The following TBC1D16 variants were observed in gnomAD, a reference collection of about 807,000 sequenced individuals.
The protein encoded by TBC1D16 is CTD-2529O21.1.
TBC1D16 carries 58 observed loss-of-function variants against 74.7 expected under a neutral mutation model. The observed-to-expected ratio is 0.78, with a 90% CI of 0.63 to 0.97. The LOEUF (loss-of-function observed/expected upper bound fraction) is 0.97, where lower values mean the gene tolerates loss of function less well. Among genes scored for constraint, TBC1D16 ranks in the 50% least tolerant of loss-of-function variants. The probability of loss-of-function intolerance (pLI) is 0.00; values close to 1 mark genes in which losing one functional copy is unlikely to be tolerated. For synonymous variants in TBC1D16, 493 were observed against 474.7 expected, an observed-to-expected ratio of 1.04 and a Z score of -0.50; for missense variants, 1,014 against 1,079.5, an observed-to-expected ratio of 0.94 and a Z score of 0.85.
At chr17:79,953,632 T>C (rs2033188160) in intron 3 of TBC1D16, among the ~76,000 whole-genome samples, 1 of 152,238 alleles carries the variant, frequency 6.6e-6, no homozygotes, top group Admixed American at 6.5e-5. Context: ...CTGTCTGCAG[T>C]TCAGCAGTAC....
At chr17:80,030,235 G>A (rs1256147898) in intron 1 of TBC1D16, among the ~76,000 whole-genome samples, 2 of 152,152 alleles carry the variant, frequency 1.3e-5, no homozygotes, top group African/African-American at 2.4e-5. Flanking sequence ...ACTGTAAGGA[G>A]CTGATTTCCA....
At chr17:80,005,461 C>A (rs777922167) in intron 3 of TBC1D16, among the ~76,000 whole-genome samples, 11 of 152,208 alleles carry the variant, frequency 7.2e-5, no homozygotes, top group Non-Finnish European at 1.6e-4. Context: ...GATGACCAGT[C>A]GCGCTTGGTG....
rs2031902099 is a variant in TBC1D16, at chr17:79,940,820, G to A, written c.*39C>T. On this transcript the variant is annotated 3_prime_UTR_variant, in exon 12 of 12. Coordinates refer to ENST00000310924, the MANE Select transcript of TBC1D16 (RefSeq NM_019020.4). The surrounding 1 kb of genome is among the most constrained non-coding windows in gnomAD (Gnocchi z 5.4). ...CCCTCCCGTGCCCAGGGCCTCTGAG[G>A]AGGTCCCCTCAACCCCTGTCCGGTG... 2 of 1,489,996 alleles carry A rather than the reference G, an allele frequency of 1.3e-6. No homozygotes were observed. Among genetic ancestry groups the A allele is most frequent in the Non-Finnish European group, 9.0e-7 (1 of 1,113,556 alleles). The allele number at this position is 1,489,996 out of a possible 1,614,324, so 92.3% of individuals were successfully genotyped here.
intron 3 of TBC1D16, among the ~76,000 whole-genome samples, chr17:79,963,070 C>A (rs1002144861): frequency 2.7e-5 from 4 of 149,958 alleles, no homozygotes; most frequent in African/African-American, 9.8e-5. Flanking sequence ...AAAAAATTAG[C>A]CAGGTGTGGT....
Position 79,949,785 on chromosome 17 carries a change from G to A in TBC1D16, c.1338C>T (p.Ser446=). 2 of 1,613,700 alleles carry A rather than the reference G, an allele frequency of 1.2e-6. No individual in the cohort carries two copies. Among genetic ancestry groups the A allele is most frequent in the Non-Finnish European group, 1.7e-6 (2 of 1,179,958 alleles). ...GCAGCGCCTCCCGCTCCTCCGACGTGGACTCGTGGCTGTAATAGCGCAGCA... is the reference window on the plus strand; with the variant it reads ...GCAGCGCCTCCCGCTCCTCCGACGTAGACTCGTGGCTGTAATAGCGCAGCA... The part of the protein sequence containing the change: ...PFLLRYYSHE[S]TSEEREALRL... The change falls in exon 7 of 12, where the codon TCC becomes TCT. Residue 446 remains serine, a synonymous_variant. Transcript: ENST00000310924.
rs2035711738 is a variant in TBC1D16 at position 80,007,280 on chromosome 17, G to A, written c.779+2880C>T. Among the ~76,000 whole-genome samples, 1 of 152,142 alleles carries A rather than the reference G, an allele frequency of 6.6e-6. No homozygotes were observed. The highest frequency in any genetic ancestry group is 2.4e-5 in the African/African-American group (1 of 41,428). ...CAGCACGGTCTCCGGGTGGGGACGA[G>A]TCCCAGGCCAGGCTCGCTGACCCCA... On this transcript the variant is annotated intron_variant, in intron 3 of 11. Transcript: ENST00000310924. The surrounding 1 kb of genome is among the most constrained non-coding windows in gnomAD (Gnocchi z 4.5).
chr17:80,020,627 C>A (rs2036252555), intron 1 of TBC1D16, among the ~76,000 whole-genome samples: 1 of 149,638 alleles, frequency 6.7e-6, no homozygotes, highest in Admixed American at 6.6e-5. Context: ...AAATGCCAAC[C>A]CTCCATCTTC....
In TBC1D16 at chr17:79,936,751, C is replaced by T. The variant is rs2031615710; in HGVS notation, c.*4108G>A. ...ACCCAGGAACGGCCGTGCAGCCTGG[C>T]TTAGAAACAAGGGACGAAGTGGATC... On this transcript the variant is annotated 3_prime_UTR_variant, in exon 12 of 12. Transcript: ENST00000310924. 1 of 152,206 alleles carries T rather than the reference C, an allele frequency of 6.6e-6. No individual in the cohort carries two copies. Among genetic ancestry groups the T allele is most frequent in the Admixed American group, 6.5e-5 (1 of 15,276 alleles). 9.4% of individuals were successfully genotyped at this position (152,206 alleles called of 1,614,324 possible).
In TBC1D16 at chr17:79,943,778, G is replaced by A. The variant is rs1254762934; in HGVS notation, c.1908+1130C>T. ...ACACAGTAGGTGTCCATGGGAAAGG[G>A]ACCCATCTGCCGGGCCACGCGCTGA... On this transcript the variant is annotated intron_variant, in intron 10 of 11. Coordinates refer to ENST00000310924, the MANE Select transcript of TBC1D16 (RefSeq NM_019020.4). 5.7e-6 allele frequency: 7 copies of A among 1,221,626 alleles called. No individual in the cohort carries two copies. The African/African-American group carries it at 9.3e-5, about 16-fold the overall frequency. The allele number at this position is 1,221,626 out of a possible 1,614,324, so 75.7% of individuals were successfully genotyped here. A position where few individuals can be genotyped will look rare whatever the true frequency, so the allele number is the denominator to read the frequency against.
rs1254832269 is a variant in TBC1D16 at position 80,010,344 on chromosome 17, C to T, written c.595G>A (p.Gly199Arg). The T allele has an allele frequency of 6.2e-7, 1 of 1,611,980 alleles. No homozygotes were observed. The highest frequency in any genetic ancestry group is 8.5e-7 in the Non-Finnish European group (1 of 1,179,222). The change falls in exon 3 of 12, where the codon GGG becomes AGG. Residue 199 changes from glycine to arginine, a missense_variant. Physicochemically the swap from Gly to Arg is moderately radical, Grantham distance 125. Coordinates refer to ENST00000310924, the MANE Select transcript of TBC1D16 (RefSeq NM_019020.4). This position sits in a 1 kb window ranked among gnomAD's most constrained non-coding sequence, Gnocchi z 8.8. ...CCGGCCTCGGGCCGCGGCTCCCGCC[C>T]CTCCTCGGTGACATCCTGCGGACTG... Reference protein sequence around the residue: ...TVSPQDVTEEGREPRPEAGEE... With the variant: ...TVSPQDVTEERREPRPEAGEE...
At chr17:79,991,632 G>C (rs1274834844) in intron 3 of TBC1D16, among the ~76,000 whole-genome samples, 1 of 151,436 alleles carries the variant, frequency 6.6e-6, no homozygotes, top group Non-Finnish European at 1.5e-5. Context: ...GAAGGAGGCA[G>C]GGAGGCAAGA....
chr17:79,940,738 A>C lies in TBC1D16; in HGVS notation c.*121T>G, dbSNP rs2031895738. The C allele has an allele frequency of 2.4e-6, 3 of 1,232,274 alleles. No individual in the cohort carries two copies. Among genetic ancestry groups the C allele is most frequent in the Non-Finnish European group, 2.1e-6 (2 of 935,266 alleles). 76.3% of individuals were successfully genotyped at this position (1,232,274 alleles called of 1,614,324 possible). ...TGAAAAGGTTCCTCTCATGTTGCCCAAAAGCATTTTCCTTAGGTTTCTACC... is the reference window on the plus strand; with the variant it reads ...TGAAAAGGTTCCTCTCATGTTGCCCCAAAGCATTTTCCTTAGGTTTCTACC... On this transcript the variant is annotated 3_prime_UTR_variant, in exon 12 of 12. Transcript: ENST00000310924. The surrounding 1 kb of genome is among the most constrained non-coding windows in gnomAD (Gnocchi z 5.4).
rs2035869402 is a variant in TBC1D16, at chr17:80,010,986, G to C, written c.182-229C>G. Among the ~76,000 whole-genome samples the C allele has an allele frequency of 6.6e-6, 1 of 152,150 alleles. No individual in the cohort carries two copies. Among genetic ancestry groups the C allele is most frequent in the Non-Finnish European group, 1.5e-5 (1 of 68,032 alleles). On this transcript the variant is annotated intron_variant, in intron 2 of 11. Coordinates refer to ENST00000310924, the MANE Select transcript of TBC1D16 (RefSeq NM_019020.4). The surrounding 1 kb of genome is among the most constrained non-coding windows in gnomAD (Gnocchi z 8.8). ...GAACACACACTTCCGGCAGATCCAG[G>C]GGGCACTGGTCCCCAAGCACCGGCC... is the stretch of plus-strand genomic sequence containing the variant.
chr17:79,948,938 A>G lies in TBC1D16; in HGVS notation c.1475T>C (p.Val492Ala). 1 of 1,614,134 alleles carries G rather than the reference A, an allele frequency of 6.2e-7. No homozygotes were observed. The highest frequency in any genetic ancestry group is 8.5e-7 in the Non-Finnish European group (1 of 1,180,006). ...RNVQFTVDKD[V>A]VRTDRNNQFF... is the part of the protein sequence containing the mutation. ...CTGGTTGTTCCGATCTGTCCGGACC[A>G]CGTCTTTGTCCACAGTGAACTGCAC... Residue 492 changes from valine (V) to alanine (A), a missense_variant, in exon 8 of 12, where the codon GTG becomes GCG. Val to Ala is a moderately conservative substitution (Grantham distance 64). Coordinates refer to ENST00000310924, the MANE Select transcript of TBC1D16 (RefSeq NM_019020.4).
In TBC1D16 at chr17:79,987,931, G is replaced by T. The variant is rs1411385383; in HGVS notation, c.779+22229C>A. ...TCAGAAAAACCCTCCGAGGCTCTCGGATTTTACGCCTGCATGAGATTTCGA... is the reference window on the plus strand; with the variant it reads ...TCAGAAAAACCCTCCGAGGCTCTCGTATTTTACGCCTGCATGAGATTTCGA... On this transcript the variant is annotated intron_variant, in intron 3 of 11. Coordinates refer to ENST00000310924, the MANE Select transcript of TBC1D16 (RefSeq NM_019020.4). The surrounding 1 kb of genome is among the most constrained non-coding windows in gnomAD (Gnocchi z 5.2). 6.6e-6 allele frequency among the ~76,000 whole-genome samples: 1 copy of T among 152,078 alleles called. No individual in the cohort carries two copies. The highest frequency in any genetic ancestry group is 1.9e-4 in the East Asian group (1 of 5,182).
At position 80,000,630 on chromosome 17, in the gene TBC1D16, G is replaced by T. The variant is rs73423995; in HGVS notation, c.779+9530C>A. ...CAGCAGCCCCAGGACACTGATACGA[G>T]CACGTCCAACGGGGCTGGCAACTCA... On this transcript the variant is annotated intron_variant, in intron 3 of 11. Coordinates refer to ENST00000310924, the MANE Select transcript of TBC1D16 (RefSeq NM_019020.4). This position sits in a 1 kb window ranked among gnomAD's most constrained non-coding sequence, Gnocchi z 4.1. Among the ~76,000 whole-genome samples, 1,348 of 152,296 alleles carry T rather than the reference G, an allele frequency of 8.9e-3. 21 individuals carry two copies. Among genetic ancestry groups the T allele is most frequent in the African/African-American group, 0.031 (1,300 of 41,560 alleles).
rs1325638268 is a variant in TBC1D16, at chr17:79,981,883, C to T, written c.779+28277G>A. Among the ~76,000 whole-genome samples the T allele has an allele frequency of 2.0e-5, 3 of 152,376 alleles. No homozygotes were observed. Among genetic ancestry groups the T allele is most frequent in the South Asian group, 2.1e-4 (1 of 4,834 alleles). On this transcript the variant is annotated intron_variant, in intron 3 of 11. Coordinates refer to ENST00000310924, the MANE Select transcript of TBC1D16 (RefSeq NM_019020.4). This position sits in a 1 kb window ranked among gnomAD's most constrained non-coding sequence, Gnocchi z 6.9. ...AAGGGCGCGCCAGGGAACAGCAGGACGCGGCCCTCCGGGGCTTCCCTGTGC... is the reference window on the plus strand; with the variant it reads ...AAGGGCGCGCCAGGGAACAGCAGGATGCGGCCCTCCGGGGCTTCCCTGTGC...
chr17:79,991,738 G>T (rs1428201836), intron 3 of TBC1D16, among the ~76,000 whole-genome samples: 2 of 150,966 alleles, frequency 1.3e-5, no homozygotes, highest in African/African-American at 2.4e-5. Flanking sequence ...GAGGGCGGGG[G>T]CGTGCACCGC....
chr17:80,002,374 G>A (rs2035523809), intron 3 of TBC1D16, among the ~76,000 whole-genome samples: 1 of 152,258 alleles, frequency 6.6e-6, no homozygotes, highest in African/African-American at 2.4e-5. Flanking sequence ...GCACTTAGAT[G>A]CCGTTTATTA....
Sources: gnomAD v4.1 joint callset for allele counts (sites outside exome capture counted in the v4.1 genomes callset) on GRCh38, gnomAD v4.1.1 for gene constraint, Gnocchi (gnomAD v3.1) non-coding constraint, MANE v1.5 for transcripts, NCBI Gene and HGNC (gene_info 2026-07-23, HGNC 2026-07-21) for gene names.